CYP39A1: variants seen among roughly 807,000 people sequenced by gnomAD.
CYP39A1 encodes the protein 24-hydroxycholesterol 7-alpha-hydroxylase.
A neutral mutation model predicts 58.1 loss-of-function variants in CYP39A1; 49 were observed. That is an observed-to-expected ratio of 0.84 (90% CI 0.67 to 1.07). The LOEUF is 1.07. CYP39A1 is among the 50% of genes least tolerant of loss of function. The pLI is 0.00. For missense variants in CYP39A1, 531 were observed against 539.4 expected, an observed-to-expected ratio of 0.98 and a Z score of 0.16; for synonymous variants, 209 against 187.6, an observed-to-expected ratio of 1.11 and a Z score of -0.93.
At chr6:46,570,824 C>T (rs115734703) in intron 10 of CYP39A1, among the ~76,000 whole-genome samples, 2,887 of 152,256 alleles carry the variant, frequency 0.019, 54 homozygotes, top group Non-Finnish European at 0.029. Context: ...TGGGGGATTT[C>T]CCCTCACTAT....
chr6:46,604,577 GTGAGA>G (rs1328335671), intron 7 of CYP39A1, among the ~76,000 whole-genome samples: 1 of 152,210 alleles, frequency 6.6e-6, no homozygotes, highest in Non-Finnish European at 1.5e-5. Flanking sequence ...GAATTCAAAA[GTGAGA>G]TGAGTGTCAC....
At chr6:46,596,702 C>T (rs1773185145) in intron 7 of CYP39A1, among the ~76,000 whole-genome samples, 1 of 151,530 alleles carries the variant, frequency 6.6e-6, no homozygotes, top group Non-Finnish European at 1.5e-5. Flanking sequence ...GATGTGCATA[C>T]TTTATTTGAT....
chr6:46,567,564 G>A (rs1771363312), intron 10 of CYP39A1, among the ~76,000 whole-genome samples: 1 of 151,988 alleles, frequency 6.6e-6, no homozygotes, highest in Non-Finnish European at 1.5e-5. Context: ...CATAGCAGCT[G>A]TTCCATTTTA....
At chr6:46,589,452 C>G (rs180812376) in intron 8 of CYP39A1, among the ~76,000 whole-genome samples, 25 of 151,688 alleles carry the variant, frequency 1.6e-4, no homozygotes, top group Non-Finnish European at 3.1e-4. Flanking sequence ...CATTCTGTCT[C>G]GAAGAAAAAT....
At chr6:46,616,409 G>C (rs1015062210) in intron 7 of CYP39A1, among the ~76,000 whole-genome samples, 6 of 151,200 alleles carry the variant, frequency 4.0e-5, no homozygotes, top group Non-Finnish European at 5.9e-5. Flanking sequence ...CAGGTGCATG[G>C]CACCATGCCC....
chr6:46,625,474 T>A lies in CYP39A1; in HGVS notation c.875A>T (p.His292Leu), dbSNP rs1775257103. The change falls in exon 7 of 12, where the codon CAT becomes CTT. Residue 292 changes from histidine to leucine, a missense_variant. Physicochemically the swap from His to Leu is moderately conservative, Grantham distance 99 (BLOSUM62 -3). Transcript: ENST00000275016. ...AFWTLAYVLS[H>L]PDIHKAIMEG... ...CATAATGGCCTTGTGGATATCAGGA[T>A]GAGAAAGGACGTATGCAAGTGTCCA... The A allele has an allele frequency of 1.9e-6, 3 of 1,611,268 alleles. No individual in the cohort carries two copies. Among genetic ancestry groups the A allele is most frequent in the African/African-American group, 2.7e-5 (2 of 74,848 alleles).
At chr6:46,626,801 T>C (rs1281820066) in intron 6 of CYP39A1, among the ~76,000 whole-genome samples, 2 of 152,170 alleles carry the variant, frequency 1.3e-5, no homozygotes, top group Admixed American at 6.5e-5. Context: ...TAACTACAGA[T>C]AAAAGTGCTA....
At chr6:46,581,768 C>T (rs60925069) in intron 10 of CYP39A1, among the ~76,000 whole-genome samples, 1 of 152,098 alleles carries the variant, frequency 6.6e-6, no homozygotes, top group Non-Finnish European at 1.5e-5. Flanking sequence ...ATGTACCCCC[C>T]TTGAACCCAA....
intron 10 of CYP39A1, 90 bp downstream of exon 10, chr6:46,586,987 T>C (rs1237085174): frequency 7.4e-6 from 6 of 816,322 alleles, no homozygotes; most frequent in Non-Finnish European, 1.2e-5. Context: ...TAAATATATA[T>C]ATAAAGAGAT....
At chr6:46,632,465 G>A (rs1775721256) in intron 5 of CYP39A1, among the ~76,000 whole-genome samples, 3 of 145,478 alleles carry the variant, frequency 2.1e-5, no homozygotes, top group African/African-American at 7.5e-5. Flanking sequence ...TATTTGTCAG[G>A]TTTTTTTTTT....
intron 10 of CYP39A1, among the ~76,000 whole-genome samples, chr6:46,574,084 C>T (rs1445962010): frequency 1.3e-5 from 2 of 152,138 alleles, no homozygotes; most frequent in Non-Finnish European, 2.9e-5. Flanking sequence ...AGAGATCATT[C>T]CAGCAGCTCA....
intron 8 of CYP39A1, among the ~76,000 whole-genome samples, chr6:46,595,234 T>C (rs768017059): frequency 2.6e-5 from 4 of 151,954 alleles, no homozygotes; most frequent in African/African-American, 9.7e-5. Context: ...TATAGCCATA[T>C]GGTAAACAGT....
At chr6:46,639,808 G>A in intron 2 of CYP39A1, 140 bp from the exon 3 acceptor site, 1 of 665,768 alleles carries the variant, frequency 1.5e-6, no homozygotes, top group Non-Finnish European at 2.5e-6. Context: ...ATAAATAAAA[G>A]TAGATAAAGA....
At chr6:46,631,217 T>G (rs1186046346) in intron 5 of CYP39A1, 147 bp from the exon 6 acceptor site, 2 of 657,846 alleles carry the variant, frequency 3.0e-6, no homozygotes, top group Non-Finnish European at 5.3e-6. Flanking sequence ...GTGAAGGGAT[T>G]TATGTCCTTA....
chr6:46,600,631 T>TA (rs1472466704), intron 7 of CYP39A1, among the ~76,000 whole-genome samples: 1 of 152,060 alleles, frequency 6.6e-6, no homozygotes, highest in African/African-American at 2.4e-5. Context: ...GTAACTTCCA[T>TA]AAAATCCCTC....
At chr6:46,587,909 G>C in intron 9 of CYP39A1, 125 bp downstream of exon 9, 1 of 526,100 alleles carries the variant, frequency 1.9e-6, no homozygotes, top group East Asian at 3.5e-5. Flanking sequence ...AGTCAACTTT[G>C]TTCTTAGTTA....
At position 46,583,027 on chromosome 6, in the gene CYP39A1, T is replaced by C. The variant is rs921774254; in HGVS notation, c.1250+4050A>G. The stretch of plus-strand genomic sequence containing the variant: ...TTTTCCAATAGATGTGAGATTTTCA[T>C]TAGGAACTCAAGACAAGCCCATGAC... On this transcript the variant is annotated intron_variant, in intron 10 of 11. Transcript: ENST00000275016. 3 of 980,224 alleles carry C rather than the reference T, an allele frequency of 3.1e-6. No homozygotes were observed. The African/African-American group carries it at 5.3e-5, about 17-fold the overall frequency. The allele number at this position is 980,224 out of a possible 1,614,324, so 60.7% of individuals were successfully genotyped here.
rs1487654629 is a variant in CYP39A1, at chr6:46,631,145, C to G, written c.733-75G>C. On this transcript the variant is annotated intron_variant, in intron 5 of 11. Transcript: ENST00000275016. ...CGATGTTAATAAACAAGAGATCATG[C>G]CTTTTTCTTTAATATGAAAGATATC... is the stretch of plus-strand genomic sequence containing the variant. The G allele has an allele frequency of 5.2e-6, 6 of 1,162,938 alleles. No individual in the cohort carries two copies. In the Admixed American group the frequency reaches 9.5e-5, roughly 18 times the overall value. The allele number at this position is 1,162,938 out of a possible 1,614,324, so 72.0% of individuals were successfully genotyped here. A position where few individuals can be genotyped will look rare whatever the true frequency, so the allele number is the denominator to read the frequency against.
chr6:46,585,462 T>C (rs893405240), intron 10 of CYP39A1, among the ~76,000 whole-genome samples: 4 of 152,158 alleles, frequency 2.6e-5, no homozygotes, highest in Non-Finnish European at 5.9e-5. Context: ...ATTTGGTATG[T>C]GACAAAAACA....
Sources: gnomAD v4.1 joint callset for allele counts (sites outside exome capture counted in the v4.1 genomes callset) on GRCh38, gnomAD v4.1.1 for gene constraint, MANE v1.5 for transcripts, NCBI Gene and HGNC (gene_info 2026-07-23, HGNC 2026-07-21) for gene names.